Variants in PTP4A3 observed in about 807,000 individuals in gnomAD.
PTP4A3 encodes protein tyrosine phosphatase type IVA 3.
PTP4A3 carries 9 observed loss-of-function variants against 15.2 expected under a neutral mutation model. The observed-to-expected ratio is 0.59, with a 90% confidence interval of 0.36 to 1.03. PTP4A3 has a LOEUF of 1.03. Ranked by LOEUF, PTP4A3 falls within the 50% of genes least tolerant of loss-of-function variation. The pLI, the probability that PTP4A3 is intolerant of heterozygous loss-of-function variation, is 0.02. For synonymous variants in PTP4A3, 95 were observed against 102.0 expected, an observed-to-expected ratio of 0.93 and a Z score of 0.41; for missense variants, 234 against 252.1, an observed-to-expected ratio of 0.93 and a Z score of 0.49.
Position 141,425,145 on chromosome 8 carries a change from GGC to G in PTP4A3, c.198+12_198+13del. The G allele has an allele frequency of 6.2e-7, 1 of 1,609,506 alleles. No individual in the cohort carries two copies. The highest frequency in any genetic ancestry group is 8.5e-7 in the Non-Finnish European group (1 of 1,177,176). On this transcript the variant is annotated splice_donor_region_variant and intron_variant, in intron 3 of 5. Transcript: ENST00000521578. This position sits in a 1 kb window ranked among gnomAD's most constrained non-coding sequence, Gnocchi z 4.2. ...AAGGATGGCATCACCGTTGTGGTGA[GGC>G]GCGCGCCACGGGGACCCTAGTCACT...
rs1340152761 is a variant in PTP4A3 at position 141,431,316 on chromosome 8, G to A, written c.*272G>A. 1.2e-5 allele frequency: 6 copies of A among 518,462 alleles called. No homozygotes were observed. Among genetic ancestry groups the A allele is most frequent in the African/African-American group, 1.9e-5 (1 of 51,938 alleles). The allele number at this position is 518,462 out of a possible 1,614,324, so 32.1% of individuals were successfully genotyped here. On this transcript the variant is annotated 3_prime_UTR_variant, in exon 6 of 6. Coordinates refer to ENST00000521578, the MANE Select transcript of PTP4A3 (RefSeq NM_032611.3). ...TCTGTCTCTCTGAGGTGGGTCGGGC[G>A]CCCTCTGCCCGCCCCCTCCCACACC...
intron 1 of PTP4A3, among the ~76,000 whole-genome samples, chr8:141,414,372 G>GGGTGAACCCA (rs11282768): frequency 6.6e-6 from 1 of 151,752 alleles, no homozygotes; most frequent in Non-Finnish European, 1.5e-5. Context: ...CCAGCCTGGT[G>GGGTGAACCCA]GGTAGACCTG....
Position 141,414,088 on chromosome 8 carries a change from G to A in PTP4A3, c.-853-7300G>A, listed in dbSNP as rs75105000. Among the ~76,000 whole-genome samples, 8 of 152,284 alleles carry A rather than the reference G, an allele frequency of 5.3e-5. No individual in the cohort carries two copies. The East Asian group carries it at 1.5e-3, about 29-fold the overall frequency. On this transcript the variant is annotated intron_variant, in intron 1 of 5. Coordinates refer to ENST00000521578, the MANE Select transcript of PTP4A3 (RefSeq NM_032611.3). ...TGTGTGTGTGTGTGTGTGTGTGCACGTGAGCACACATCTCTGTGTATGCAG... is the reference window on the plus strand; with the variant it reads ...TGTGTGTGTGTGTGTGTGTGTGCACATGAGCACACATCTCTGTGTATGCAG...
rs1237655995 is a variant in PTP4A3 at position 141,392,056 on chromosome 8, C to G, written c.-882C>G. On this transcript the variant is annotated 5_prime_UTR_variant, in exon 1 of 6. Transcript: ENST00000521578. ...GCGCGCGCGTCCCGAGCCCTCCACC[C>G]GTCGTGCCGGCGCCGCCCGGACCGC... 1 of 146,966 alleles carries G rather than the reference C, an allele frequency of 6.8e-6. No individual in the cohort carries two copies. The highest frequency in any genetic ancestry group is 1.5e-5 in the Non-Finnish European group (1 of 66,026). The allele number at this position is 146,966 out of a possible 1,614,324, so 9.1% of individuals were successfully genotyped here. A position where few individuals can be genotyped will look rare whatever the true frequency, so the allele number is the denominator to read the frequency against.
chr8:141,419,339 C>T (rs1417188970), intron 1 of PTP4A3, among the ~76,000 whole-genome samples: 2 of 152,214 alleles, frequency 1.3e-5, no homozygotes, highest in African/African-American at 2.4e-5. Context: ...TGGTGCTTTT[C>T]TTCCTTTCTT....
chr8:141,431,403 G>A lies in PTP4A3; in HGVS notation c.*359G>A, dbSNP rs527671691. ...GTGGGGGTATATTTTGTAACCACTG[G>A]GCCCCCAGCCCCTCTTTTGCGACCC... On this transcript the variant is annotated 3_prime_UTR_variant, in exon 6 of 6. Coordinates refer to ENST00000521578, the MANE Select transcript of PTP4A3 (RefSeq NM_032611.3). The A allele has an allele frequency of 2.3e-4, 66 of 286,414 alleles. No individual in the cohort carries two copies. In the South Asian group the frequency reaches 3.5e-3, roughly 15 times the overall value. The allele number at this position is 286,414 out of a possible 1,614,324, so 17.7% of individuals were successfully genotyped here.
At chr8:141,393,637 C>T (rs1014491826) in intron 1 of PTP4A3, among the ~76,000 whole-genome samples, 2 of 152,234 alleles carry the variant, frequency 1.3e-5, no homozygotes, top group African/African-American at 4.8e-5. Context: ...AGGTGGTTTC[C>T]TCAGCTGCCT....
chr8:141,412,341 A>G (rs1832892038), intron 1 of PTP4A3, among the ~76,000 whole-genome samples: 1 of 152,150 alleles, frequency 6.6e-6, no homozygotes, highest in Admixed American at 6.5e-5. Flanking sequence ...CCACCTCCCA[A>G]GTGAGCATGG....
At chr8:141,428,400 CTGGGGGAGTCT>C (rs1833686363) in intron 5 of PTP4A3, among the ~76,000 whole-genome samples, 1 of 152,140 alleles carries the variant, frequency 6.6e-6, no homozygotes, top group Non-Finnish European at 1.5e-5. Context: ...CCAGGGGGTC[CTGGGGGAGTCT>C]GGCCGGGATG....
rs546959135 is a variant in PTP4A3, at chr8:141,397,906, G to C, written c.-854+5822G>C. Among the ~76,000 whole-genome samples the C allele has an allele frequency of 7.2e-5, 11 of 152,352 alleles. No homozygotes were observed. In the South Asian group the frequency reaches 1.9e-3, roughly 26 times the overall value. Reference sequence around the variant, plus strand: ...TCTGTCCAGGGTCGGCCCGGCTCCTGCCTTTATCATGTGTGAGCCTCGCTG... The same window carrying C: ...TCTGTCCAGGGTCGGCCCGGCTCCTCCCTTTATCATGTGTGAGCCTCGCTG... On this transcript the variant is annotated intron_variant, in intron 1 of 5. Coordinates refer to ENST00000521578, the MANE Select transcript of PTP4A3 (RefSeq NM_032611.3).
Position 141,406,452 on chromosome 8 carries a change from G to T in PTP4A3, c.-854+14368G>T, listed in dbSNP as rs948902921. ...TGCCACCCAGAGCCCGCCCTTTCCGGAGAGCAGTTCCCTGGGGTGTCCCCC... is the reference window on the plus strand; with the variant it reads ...TGCCACCCAGAGCCCGCCCTTTCCGTAGAGCAGTTCCCTGGGGTGTCCCCC... On this transcript the variant is annotated intron_variant, in intron 1 of 5. Transcript: ENST00000521578. The surrounding 1 kb of genome is among the most constrained non-coding windows in gnomAD (Gnocchi z 4.5). Among the ~76,000 whole-genome samples, 12 of 151,892 alleles carry T rather than the reference G, an allele frequency of 7.9e-5. No individual in the cohort carries two copies. Among genetic ancestry groups the T allele is most frequent in the African/African-American group, 1.2e-4 (5 of 41,334 alleles).
In PTP4A3 at chr8:141,427,807, C is replaced by T. The variant is rs1441543622; in HGVS notation, c.387C>T (p.Ala129=). 5 of 1,550,564 alleles carry T rather than the reference C, an allele frequency of 3.2e-6. No individual in the cohort carries two copies. The highest frequency in any genetic ancestry group is 2.4e-5 in the East Asian group (1 of 40,964). Residue 129 remains alanine, a synonymous_variant, in exon 5 of 6, where the codon GCC becomes GCT. Coordinates refer to ENST00000521578, the MANE Select transcript of PTP4A3 (RefSeq NM_032611.3). The part of the protein sequence containing the change: ...LIESGMKYED[A]IQFIRQKRRG... The stretch of plus-strand genomic sequence containing the variant: ...AGAGCGGGATGAAGTACGAGGACGC[C>T]ATCCAGTTCATCCGCCAGTGAGTGG...
In PTP4A3 at chr8:141,422,222, G is replaced by T. The variant is rs764624749; in HGVS notation, c.-19G>T. 1.2e-6 allele frequency: 2 copies of T among 1,612,634 alleles called. No homozygotes were observed. Among genetic ancestry groups the T allele is most frequent in the East Asian group, 4.5e-5 (2 of 44,870 alleles). ...TCTCTGCAGTCCCTTCTGCCCTGCC[G>T]GGCCCGTCGGGAGGCGCCATGGCTC... On this transcript the variant is annotated 5_prime_UTR_variant, in exon 2 of 6. Coordinates refer to ENST00000521578, the MANE Select transcript of PTP4A3 (RefSeq NM_032611.3).
At chr8:141,426,663 G>C in intron 3 of PTP4A3, 1 of 985,464 alleles carries the variant, frequency 1.0e-6, no homozygotes, top group Non-Finnish European at 1.2e-6. Context: ...CTCTGGAGCA[G>C]GCTCTATTCA....
At chr8:141,427,210 C>T in intron 4 of PTP4A3, 141 bp downstream of exon 4, 1 of 1,225,676 alleles carries the variant, frequency 8.2e-7, no homozygotes, top group South Asian at 1.5e-5. Context: ...TGCTGGGGCT[C>T]CCAGACTGGT....
Position 141,427,926 on chromosome 8 carries a change from G to C in PTP4A3, c.404+102G>C, listed in dbSNP as rs1047125514. On this transcript the variant is annotated intron_variant, in intron 5 of 5. Transcript: ENST00000521578. ...ATTGGCTGTGTGGTTCCGTCGCTCT[G>C]AGGCTGCGTCGATCAGCACAAGCTG... 24 of 1,153,136 alleles carry C rather than the reference G, an allele frequency of 2.1e-5. No individual in the cohort carries two copies. The South Asian group carries it at 2.6e-4, about 13-fold the overall frequency. 71.4% of individuals were successfully genotyped at this position (1,153,136 alleles called of 1,614,324 possible). A position where few individuals can be genotyped will look rare whatever the true frequency, so the allele number is the denominator to read the frequency against.
intron 1 of PTP4A3, among the ~76,000 whole-genome samples, chr8:141,392,969 G>A (rs960972681): frequency 6.6e-6 from 1 of 152,136 alleles, no homozygotes; most frequent in African/African-American, 2.4e-5. Flanking sequence ...TCTGGGGTGT[G>A]CCCCGCACAC....
intron 1 of PTP4A3, among the ~76,000 whole-genome samples, chr8:141,396,896 G>T (rs960633750): frequency 6.6e-6 from 1 of 152,164 alleles, no homozygotes; most frequent in Non-Finnish European, 1.5e-5. Flanking sequence ...GTGGATGAAC[G>T]ATCCAGGGAA....
intron 2 of PTP4A3, among the ~76,000 whole-genome samples, chr8:141,424,638 G>A (rs1264685224): frequency 6.6e-6 from 1 of 152,122 alleles, no homozygotes; most frequent in Non-Finnish European, 1.5e-5. Context: ...CCAGAGGAGG[G>A]AGTGGTGTGC....
Sources: allele counts gnomAD v4.1 joint callset (sites outside exome capture counted in the v4.1 genomes callset), GRCh38; gene constraint gnomAD v4.1.1; non-coding constraint Gnocchi (gnomAD v3.1); transcripts MANE v1.5; gene names NCBI Gene and HGNC (gene_info 2026-07-23, HGNC 2026-07-21).